MCPH1: variants seen among roughly 807,000 people sequenced by gnomAD.
MCPH1 encodes microcephalin.
Under a neutral mutation model 84.5 loss-of-function variants are expected in MCPH1, and 104 were observed. The ratio of observed to expected loss-of-function variants is 1.23; its 90% confidence interval spans 1.05 to 1.45. MCPH1 has a LOEUF of 1.45. Ranked by LOEUF, MCPH1 falls within the 40% of genes most tolerant of loss-of-function variation. The probability of loss-of-function intolerance (pLI) is 0.00; values close to 1 mark genes in which losing one functional copy is unlikely to be tolerated. For missense variants in MCPH1, 1,498 were observed against 1,005.7 expected, an observed-to-expected ratio of 1.49 and a Z score of -6.62; for synonymous variants, 514 against 366.8, an observed-to-expected ratio of 1.40 and a Z score of -4.58.
At chr8:6,428,650 A>G (rs1383815980) in intron 3 of MCPH1, among the ~76,000 whole-genome samples, 1 of 152,196 alleles carries the variant, frequency 6.6e-6, no homozygotes, top group Non-Finnish European at 1.5e-5. Context: ...TTCTCTTAGC[A>G]TAATGTTTTC....
At chr8:6,541,206 C>A (rs1417059345) in intron 12 of MCPH1, among the ~76,000 whole-genome samples, 2 of 152,182 alleles carry the variant, frequency 1.3e-5, no homozygotes, top group African/African-American at 2.4e-5. Context: ...TGAGCAGCAC[C>A]AGAGGGTTTC....
chr8:6,530,039 C>A (rs1444288651), intron 12 of MCPH1, among the ~76,000 whole-genome samples: 1 of 151,850 alleles, frequency 6.6e-6, no homozygotes, highest in African/African-American at 2.4e-5. Context: ...GCCAAGTTCC[C>A]ATGCTTGGAT....
At chr8:6,522,779 A>C (rs1175294645) in intron 12 of MCPH1, among the ~76,000 whole-genome samples, 2 of 151,994 alleles carry the variant, frequency 1.3e-5, no homozygotes, top group Non-Finnish European at 2.9e-5. Flanking sequence ...GTCTCAAAAA[A>C]AAAAAAGAAA....
intron 3 of MCPH1, among the ~76,000 whole-genome samples, chr8:6,422,370 G>A (rs929716656): frequency 2.0e-5 from 3 of 152,180 alleles, no homozygotes; most frequent in Non-Finnish European, 2.9e-5. Flanking sequence ...AAGTCGTATA[G>A]AAATGTGGAG....
rs1798241252 is a variant in MCPH1 at position 6,646,898 on chromosome 8, G to C, written c.*3849G>C. ...AGGAAATCATTCTGACCTCAGGTTA[G>C]GCAAAGCTTTCTTAGATATGACACT... On this transcript the variant is annotated 3_prime_UTR_variant, in exon 14 of 14. Transcript: ENST00000344683. 1.3e-5 allele frequency: 2 copies of C among 152,036 alleles called. No individual in the cohort carries two copies. The highest frequency in any genetic ancestry group is 4.1e-4 in the South Asian group (2 of 4,824). 9.4% of individuals were successfully genotyped at this position (152,036 alleles called of 1,614,324 possible).
rs866771485 is a variant in MCPH1, at chr8:6,505,336, A to T, written c.2214+5407A>T. Among the ~76,000 whole-genome samples the T allele has an allele frequency of 9.8e-3, 409 of 41,804 alleles. 72 individuals are homozygous for T. Among genetic ancestry groups the T allele is most frequent in the African/African-American group, 0.036 (343 of 9,494 alleles). 27.4% of individuals were successfully genotyped at this position (41,804 alleles called of 152,430 possible). ...CATATATATGTTATATACATATAGAAAGAATATATATATTCTTTCTATATG... is the reference window on the plus strand; with the variant it reads ...CATATATATGTTATATACATATAGATAGAATATATATATTCTTTCTATATG... On this transcript the variant is annotated intron_variant, in intron 12 of 13. Coordinates refer to ENST00000344683, the MANE Select transcript of MCPH1 (RefSeq NM_024596.5).
intron 9 of MCPH1, among the ~76,000 whole-genome samples, chr8:6,465,240 C>T (rs1202412458): frequency 6.6e-6 from 1 of 152,090 alleles, no homozygotes; most frequent in Non-Finnish European, 1.5e-5. Context: ...AAACTTGAAT[C>T]CTTATTTTTA....
At chr8:6,638,633 G>A (rs188221862) in intron 13 of MCPH1, among the ~76,000 whole-genome samples, 16 of 151,846 alleles carry the variant, frequency 1.1e-4, no homozygotes, top group Non-Finnish European at 1.8e-4. Context: ...GCTGCTCAAG[G>A]GCAGTTCAGC....
chr8:6,419,070 C>G (rs1026900910), intron 3 of MCPH1, among the ~76,000 whole-genome samples: 2 of 151,594 alleles, frequency 1.3e-5, no homozygotes. Flanking sequence ...GTTGGGCCTG[C>G]TTAGCTATCT....
chr8:6,629,087 G>T (rs1796971394), intron 13 of MCPH1, among the ~76,000 whole-genome samples: 1 of 152,240 alleles, frequency 6.6e-6, no homozygotes, highest in East Asian at 1.9e-4. Context: ...TGTATCTGGA[G>T]CTAGGGCCTT....
At chr8:6,605,322 A>G (rs1829672433) in intron 12 of MCPH1, among the ~76,000 whole-genome samples, 1 of 152,100 alleles carries the variant, frequency 6.6e-6, no homozygotes, top group Non-Finnish European at 1.5e-5. Flanking sequence ...CTTGGGACTC[A>G]CACTCCTTGC....
At chr8:6,516,318 G>T (rs1014265587) in intron 12 of MCPH1, among the ~76,000 whole-genome samples, 1 of 152,154 alleles carries the variant, frequency 6.6e-6, no homozygotes, top group Non-Finnish European at 1.5e-5. Flanking sequence ...CAGCAACTCT[G>T]CTGTAGTATC....
chr8:6,612,320 A>G (rs936390316), intron 12 of MCPH1, among the ~76,000 whole-genome samples: 1 of 151,706 alleles, frequency 6.6e-6, no homozygotes, highest in South Asian at 2.1e-4. Flanking sequence ...CCCAAGGCCA[A>G]CCTCCTCTCC....
intron 6 of MCPH1, among the ~76,000 whole-genome samples, chr8:6,440,785 T>G (rs552235990): frequency 3.2e-4 from 49 of 152,360 alleles, no homozygotes; most frequent in Non-Finnish European, 5.1e-4. Flanking sequence ...TCGCTTAATT[T>G]TATGTCCTTT....
At chr8:6,554,857 A>G (rs2129575226) in intron 12 of MCPH1, among the ~76,000 whole-genome samples, 1 of 152,308 alleles carries the variant, frequency 6.6e-6, no homozygotes, top group East Asian at 1.9e-4. Flanking sequence ...GATTAAGTCC[A>G]GTTCTCAGGA....
chr8:6,419,122 T>C (rs1026753665), intron 3 of MCPH1, among the ~76,000 whole-genome samples: 6 of 131,574 alleles, frequency 4.6e-5, no homozygotes, highest in Admixed American at 2.5e-4. Flanking sequence ...TATATTTATA[T>C]ACACATACAC....
intron 3 of MCPH1, among the ~76,000 whole-genome samples, chr8:6,428,745 GCACACACA>G (rs59969242): frequency 1.3e-5 from 2 of 149,454 alleles, no homozygotes; most frequent in African/African-American, 2.4e-5. Context: ...ACGTGCGCAC[GCACACACA>G]CACACACACA....
At chr8:6,437,377 C>A (rs1488874944) in intron 5 of MCPH1, among the ~76,000 whole-genome samples, 1 of 151,916 alleles carries the variant, frequency 6.6e-6, no homozygotes, top group Non-Finnish European at 1.5e-5. Flanking sequence ...ATTATAGGGG[C>A]GTACCACCAC....
chr8:6,563,182 C>A (rs1180518247), intron 12 of MCPH1: 2 of 353,066 alleles, frequency 5.7e-6, no homozygotes, highest in Non-Finnish European at 1.1e-5. Context: ...AGGGCTGTGT[C>A]AGCTTTTACA....
Sources: gnomAD v4.1 joint callset for allele counts (sites outside exome capture counted in the v4.1 genomes callset) on GRCh38, gnomAD v4.1.1 for gene constraint, MANE v1.5 for transcripts, NCBI Gene and HGNC (gene_info 2026-07-23, HGNC 2026-07-21) for gene names.